ARHGAP15: variants seen among roughly 807,000 people sequenced by gnomAD.
ARHGAP15 encodes rho GTPase-activating protein 15.
Under a neutral mutation model 63.7 loss-of-function variants are expected in ARHGAP15, and 51 were observed. The ratio of observed to expected loss-of-function variants is 0.80; its 90% CI spans 0.64 to 1.01. The LOEUF (loss-of-function observed/expected upper bound fraction) is 1.01. ARHGAP15 is among the 50% of genes least tolerant of loss of function. ARHGAP15 has a pLI of 0.00. For missense variants in ARHGAP15, 560 were observed against 564.6 expected (o/e 0.99, Z 0.08); for synonymous variants, 191 against 193.8 (o/e 0.99, Z 0.12).
chr2:143,448,949 C>A (rs1574465061), intron 8 of ARHGAP15, among the ~76,000 whole-genome samples: 1 of 151,962 alleles, frequency 6.6e-6, no homozygotes, highest in African/African-American at 2.4e-5. Context: ...GGACAAAAGA[C>A]CTACTCATAT....
intron 2 of ARHGAP15, among the ~76,000 whole-genome samples, chr2:143,194,615 G>T (rs1441195580): frequency 6.6e-6 from 1 of 152,090 alleles, no homozygotes; most frequent in Non-Finnish European, 1.5e-5. Context: ...GAGTTTCTTG[G>T]CTCTGGTGGT....
chr2:143,676,085 C>T (rs1682812017), intron 12 of ARHGAP15: 1 of 154,426 alleles, frequency 6.5e-6, no homozygotes, highest in Admixed American at 6.5e-5. Flanking sequence ...GTAGAGACAG[C>T]TTTCTTTTTA....
At chr2:143,385,571 T>C (rs1008995222) in intron 6 of ARHGAP15, among the ~76,000 whole-genome samples, 4 of 152,142 alleles carry the variant, frequency 2.6e-5, no homozygotes, top group African/African-American at 9.6e-5. Context: ...TGTGTCTCCA[T>C]ATATTTTTTC....
chr2:143,389,131 A>ATTG (rs973737351), intron 6 of ARHGAP15, among the ~76,000 whole-genome samples: 1 of 147,224 alleles, frequency 6.8e-6, no homozygotes, highest in Non-Finnish European at 1.5e-5. Context: ...TATTATTATT[A>ATTG]TTATTTTTTA....
intron 13 of ARHGAP15, among the ~76,000 whole-genome samples, chr2:143,754,347 A>C (rs1231178615): frequency 6.6e-6 from 1 of 152,222 alleles, no homozygotes; most frequent in Admixed American, 6.5e-5. Context: ...ATAATAAAGC[A>C]GATTAGCAGC....
At chr2:143,606,406 A>G (rs1049617289) in intron 11 of ARHGAP15, among the ~76,000 whole-genome samples, 1 of 152,204 alleles carries the variant, frequency 6.6e-6, no homozygotes, top group African/African-American at 2.4e-5. Context: ...TGTTATCTGT[A>G]ATGCACTATA....
At chr2:143,433,801 C>T (rs1259651745) in intron 6 of ARHGAP15, among the ~76,000 whole-genome samples, 1 of 152,008 alleles carries the variant, frequency 6.6e-6, no homozygotes, top group Non-Finnish European at 1.5e-5. Flanking sequence ...TTACATTGTA[C>T]ATTGTGCTTT....
At position 143,553,338 on chromosome 2, in the gene ARHGAP15, G is replaced by A. The variant is rs148688041; in HGVS notation, c.926-3070G>A. Among the ~76,000 whole-genome samples the A allele has an allele frequency of 6.2e-3, 939 of 152,264 alleles. 8 individuals carry two copies. Among genetic ancestry groups the A allele is most frequent in the African/African-American group, 0.022 (898 of 41,562 alleles). On this transcript the variant is annotated intron_variant, in intron 10 of 13. Transcript: ENST00000295095. ...GCATGAGCCATTCAAAGCAGGAGCC[G>A]CTAATGTCAGAGATCATTATCACTC...
At chr2:143,615,397 C>T (rs1229466961) in intron 11 of ARHGAP15, among the ~76,000 whole-genome samples, 1 of 152,176 alleles carries the variant, frequency 6.6e-6, no homozygotes, top group African/African-American at 2.4e-5. Flanking sequence ...TAACCCTACA[C>T]ATATCACCAA....
At chr2:143,757,821 T>C (rs1453145389) in intron 13 of ARHGAP15, among the ~76,000 whole-genome samples, 2 of 152,064 alleles carry the variant, frequency 1.3e-5, no homozygotes, top group Non-Finnish European at 2.9e-5. Context: ...CTGATCTCTT[T>C]AAATGGTTGG....
chr2:143,234,991 A>G (rs1206103894), intron 5 of ARHGAP15, among the ~76,000 whole-genome samples: 1 of 152,206 alleles, frequency 6.6e-6, no homozygotes, highest in Non-Finnish European at 1.5e-5. Context: ...GAATTGATCC[A>G]AAAACATAGC....
chr2:143,721,489 T>C (rs1186658839), intron 13 of ARHGAP15, among the ~76,000 whole-genome samples: 1 of 152,160 alleles, frequency 6.6e-6, no homozygotes, highest in Admixed American at 6.5e-5. Flanking sequence ...TGTAGTGCTG[T>C]GGCAGGGGGA....
intron 11 of ARHGAP15, among the ~76,000 whole-genome samples, chr2:143,604,789 T>C (rs1415065442): frequency 6.6e-6 from 1 of 152,224 alleles, no homozygotes; most frequent in Non-Finnish European, 1.5e-5. Flanking sequence ...AACTCGACTC[T>C]GCGCTTTCTC....
chr2:143,538,411 A>C (rs1050927908), intron 10 of ARHGAP15, among the ~76,000 whole-genome samples: 66 of 152,168 alleles, frequency 4.3e-4, no homozygotes, highest in African/African-American at 1.5e-3. Flanking sequence ...AACTTCCAAC[A>C]CTATGTTGAA....
chr2:143,310,355 C>T (rs537621928), intron 6 of ARHGAP15, among the ~76,000 whole-genome samples: 4 of 152,014 alleles, frequency 2.6e-5, no homozygotes, highest in South Asian at 2.1e-4. Flanking sequence ...TGTATTATAT[C>T]GGTATGTTAT....
At chr2:143,492,222 A>G (rs551458610) in intron 9 of ARHGAP15, among the ~76,000 whole-genome samples, 6 of 152,066 alleles carry the variant, frequency 3.9e-5, no homozygotes, top group Non-Finnish European at 8.8e-5. Flanking sequence ...ACAGTCAAAT[A>G]CAGCTCATCC....
chr2:143,692,723 G>T (rs16822931), intron 12 of ARHGAP15, among the ~76,000 whole-genome samples: 1 of 152,082 alleles, frequency 6.6e-6, no homozygotes, highest in African/African-American at 2.4e-5. Context: ...TTGAGCAACG[G>T]AAGTACAGGT....
At chr2:143,512,309 C>T (rs1693625466) in intron 9 of ARHGAP15, among the ~76,000 whole-genome samples, 1 of 152,224 alleles carries the variant, frequency 6.6e-6, no homozygotes, top group Non-Finnish European at 1.5e-5. Flanking sequence ...ACTTGGGCCA[C>T]ATGTTCATGC....
chr2:143,528,782 G>T (rs1694398882), intron 10 of ARHGAP15, among the ~76,000 whole-genome samples: 1 of 152,100 alleles, frequency 6.6e-6, no homozygotes, highest in Non-Finnish European at 1.5e-5. Context: ...AGATGGTATT[G>T]TCACGACAAC....
Sources: allele counts gnomAD v4.1 joint callset (sites outside exome capture counted in the v4.1 genomes callset), GRCh38; gene constraint gnomAD v4.1.1; transcripts MANE v1.5; gene names NCBI Gene and HGNC (gene_info 2026-07-23, HGNC 2026-07-21).